Variants in CADM1 observed in about 807,000 individuals in gnomAD.
The protein encoded by CADM1 is cell adhesion molecule 1.
Under a neutral mutation model 53.1 loss-of-function variants are expected in CADM1, and 15 were observed. The observed-to-expected ratio is 0.28, with a 90% CI of 0.19 to 0.44. The LOEUF (loss-of-function observed/expected upper bound fraction) is 0.44. Among genes scored for constraint, CADM1 ranks in the 20% least tolerant of loss-of-function variants. The pLI, the probability that CADM1 is intolerant of heterozygous loss-of-function variation, is 1.00. For missense variants in CADM1, 434 were observed against 611.3 expected (o/e 0.71, Z 3.06); for synonymous variants, 281 against 243.0 (o/e 1.16, Z -1.45).
chr11:115,429,502 G>A (rs1478343947), intron 1 of CADM1, among the ~76,000 whole-genome samples: 1 of 151,668 alleles, frequency 6.6e-6, no homozygotes, highest in Non-Finnish European at 1.5e-5. Flanking sequence ...CTACTCAGGA[G>A]GCTGAGGCAG....
At chr11:115,431,050 G>A (rs561157327) in intron 1 of CADM1, among the ~76,000 whole-genome samples, 1 of 152,174 alleles carries the variant, frequency 6.6e-6, no homozygotes, top group Non-Finnish European at 1.5e-5. Context: ...AGTTGCAACT[G>A]AGTACTTTCA....
chr11:115,445,075 T>C (rs1258195503), intron 1 of CADM1, among the ~76,000 whole-genome samples: 1 of 152,176 alleles, frequency 6.6e-6, no homozygotes, highest in African/African-American at 2.4e-5. Context: ...TCAGAACGTA[T>C]TTGGAAGGGG....
intron 9 of CADM1, among the ~76,000 whole-genome samples, chr11:115,193,171 G>T (rs756471328): frequency 2.0e-5 from 3 of 152,116 alleles, no homozygotes; most frequent in African/African-American, 4.8e-5. Context: ...AGACAAAGAC[G>T]TATTTTATGA....
chr11:115,206,749 T>G (rs1162181549), intron 8 of CADM1, among the ~76,000 whole-genome samples: 1 of 142,590 alleles, frequency 7.0e-6, no homozygotes, highest in Non-Finnish European at 1.5e-5. Context: ...AATAGATGAC[T>G]GTGGACTTCT....
At chr11:115,478,898 G>A (rs549445565) in intron 1 of CADM1, among the ~76,000 whole-genome samples, 8 of 152,200 alleles carry the variant, frequency 5.3e-5, no homozygotes, top group Non-Finnish European at 1.0e-4. Flanking sequence ...TGTATGGACA[G>A]ATCATAATTT....
At chr11:115,360,827 C>A (rs1946007452) in intron 1 of CADM1, among the ~76,000 whole-genome samples, 1 of 152,164 alleles carries the variant, frequency 6.6e-6, no homozygotes, top group Non-Finnish European at 1.5e-5. Context: ...AAAAATCTTA[C>A]TAGGTTCCTA....
intron 1 of CADM1, chr11:115,377,994 T>C (rs1189676775): frequency 1.3e-5 from 2 of 152,180 alleles, no homozygotes; most frequent in East Asian, 3.8e-4. Flanking sequence ...ATATGTCTGG[T>C]AGCAAGTGTC....
intron 1 of CADM1, among the ~76,000 whole-genome samples, chr11:115,305,648 C>T (rs1944344223): frequency 6.6e-6 from 1 of 151,784 alleles, no homozygotes; most frequent in Admixed American, 6.6e-5. Context: ...CACTAGCTCC[C>T]TCCTCCCCTC....
At chr11:115,325,318 A>C (rs1228263300) in intron 1 of CADM1, among the ~76,000 whole-genome samples, 2 of 152,148 alleles carry the variant, frequency 1.3e-5, no homozygotes, top group South Asian at 4.1e-4. Context: ...GGAGGCAGCC[A>C]GGGCTTGGAC....
chr11:115,374,090 A>G (rs1946380159), intron 1 of CADM1, among the ~76,000 whole-genome samples: 1 of 152,216 alleles, frequency 6.6e-6, no homozygotes, highest in Non-Finnish European at 1.5e-5. Flanking sequence ...ATTTTCCACT[A>G]AAAGAAATGA....
chr11:115,209,649 T>C lies in CADM1; in HGVS notation c.1003A>G (p.Thr335Ala). 6.2e-7 allele frequency: 1 copy of C among 1,612,382 alleles called. No individual in the cohort carries two copies. The highest frequency in any genetic ancestry group is 1.3e-5 in the African/African-American group (1 of 74,748). The change falls in exon 8 of 12, where the codon ACA (threonine) becomes GCA (alanine). Residue 335 changes from threonine (T) to alanine (A), a missense_variant. By Grantham distance (58) the Thr-to-Ala change is moderately conservative (BLOSUM62 0). Transcript: ENST00000331581. ...GTTGTTGTGGGAGGAGGGATAGTTG[T>C]GGGGGGATCTGGATAGAAAAAAAAA... Reference protein sequence around the residue: ...DYMLYVYDPPTTIPPPTTTTT... With the variant: ...DYMLYVYDPPATIPPPTTTTT...
Position 115,174,060 on chromosome 11 carries a change from TTTATTA to T in CADM1, c.*2408_*2413del, listed in dbSNP as rs573662684. On this transcript the variant is annotated 3_prime_UTR_variant, in exon 12 of 12. Transcript: ENST00000331581. ...CCATAATTTCCTGTTTTTGCTTTGT[TTTATTA>T]TTATTTTTTCCAATGTGTGGGGCCT... The T allele has an allele frequency of 1.0e-6, 1 of 978,190 alleles. No individual in the cohort carries two copies. The allele number at this position is 978,190 out of a possible 1,614,324, so 60.6% of individuals were successfully genotyped here.
At chr11:115,261,491 G>C (rs899494359) in intron 1 of CADM1, among the ~76,000 whole-genome samples, 1 of 152,168 alleles carries the variant, frequency 6.6e-6, no homozygotes, top group Non-Finnish European at 1.5e-5. Context: ...TCTGAGATAA[G>C]GATTAATATT....
At chr11:115,299,920 T>C (rs1194194002) in intron 1 of CADM1, among the ~76,000 whole-genome samples, 1 of 152,060 alleles carries the variant, frequency 6.6e-6, no homozygotes, top group Non-Finnish European at 1.5e-5. Flanking sequence ...TGTTCAGACA[T>C]TAACAAAGTG....
intron 1 of CADM1, among the ~76,000 whole-genome samples, chr11:115,493,053 C>A (rs1226258026): frequency 6.6e-6 from 1 of 152,028 alleles, no homozygotes; most frequent in East Asian, 1.9e-4. Context: ...AAATATCATT[C>A]TTTGACTAAA....
At chr11:115,419,725 G>A (rs1181100508) in intron 1 of CADM1, among the ~76,000 whole-genome samples, 1 of 152,142 alleles carries the variant, frequency 6.6e-6, no homozygotes, top group Non-Finnish European at 1.5e-5. Flanking sequence ...GTTAAACTGG[G>A]TGAACACGAT....
chr11:115,269,939 T>C (rs1943250815), intron 1 of CADM1, among the ~76,000 whole-genome samples: 1 of 152,204 alleles, frequency 6.6e-6, no homozygotes, highest in African/African-American at 2.4e-5. Context: ...AAATAGGTCA[T>C]TTGTCAAGCG....
chr11:115,240,673 G>A (rs1942197422), intron 1 of CADM1: 3 of 510,426 alleles, frequency 5.9e-6, no homozygotes, highest in African/African-American at 3.9e-5. Flanking sequence ...TCAGCCTCTA[G>A]TACTTTGTAC....
At chr11:115,424,817 C>T (rs576848971) in intron 1 of CADM1, among the ~76,000 whole-genome samples, 3 of 152,124 alleles carry the variant, frequency 2.0e-5, no homozygotes, top group South Asian at 2.1e-4. Flanking sequence ...TGAGCTACCA[C>T]GCCCAGCCAG....
Sources: gnomAD v4.1 joint callset for allele counts (sites outside exome capture counted in the v4.1 genomes callset) on GRCh38, gnomAD v4.1.1 for gene constraint, MANE v1.5 for transcripts, NCBI Gene and HGNC (gene_info 2026-07-23, HGNC 2026-07-21) for gene names.